USP30: variants seen among roughly 807,000 people sequenced by gnomAD.
USP30 encodes ubiquitin specific peptidase 30.
Under a neutral mutation model 68.2 loss-of-function variants are expected in USP30, and 41 were observed. That is an observed-to-expected ratio of 0.60 (90% CI 0.47 to 0.78). The LOEUF is 0.78. Among genes scored for constraint, USP30 ranks in the 30% least tolerant of loss-of-function variants. The pLI is 0.00. For synonymous variants in USP30, 229 were observed against 253.7 expected (o/e 0.90, Z 0.93); for missense variants, 522 against 649.4 (o/e 0.80, Z 2.13).
intron 2 of USP30, among the ~76,000 whole-genome samples, chr12:109,057,347 CT>C (rs1417824535): frequency 6.6e-6 from 1 of 152,038 alleles, no homozygotes; most frequent in African/African-American, 2.4e-5. Flanking sequence ...ATTCTCCCTC[CT>C]TTTTTTGTGT....
At chr12:109,079,784 G>A (rs1286765463) in intron 7 of USP30, among the ~76,000 whole-genome samples, 2 of 151,982 alleles carry the variant, frequency 1.3e-5, no homozygotes, top group African/African-American at 4.8e-5. Flanking sequence ...CCATTGTTCT[G>A]AGATTCTCAA....
At chr12:109,054,930 C>T (rs986800792) in intron 1 of USP30, 7 of 152,168 alleles carry the variant, frequency 4.6e-5, no homozygotes, top group Non-Finnish European at 1.0e-4. Flanking sequence ...AATATTACCA[C>T]CAGTGACTCT....
chr12:109,075,841 C>CTTTTT (rs34221615), intron 7 of USP30, among the ~76,000 whole-genome samples: 19 of 119,612 alleles, frequency 1.6e-4, no homozygotes, highest in South Asian at 5.5e-4. Context: ...GTTACTTTTT[C>CTTTTT]TTTTTTTTTT....
intron 8 of USP30, 68 bp downstream of exon 8, chr12:109,081,461 G>C (rs2041792327): frequency 6.5e-7 from 1 of 1,532,828 alleles, no homozygotes; most frequent in Non-Finnish European, 9.0e-7. Flanking sequence ...GGGCTTTGAG[G>C]CATTTTATGT....
At chr12:109,066,334 TATA>T (rs2041249727) in intron 3 of USP30, among the ~76,000 whole-genome samples, 1 of 151,488 alleles carries the variant, frequency 6.6e-6, no homozygotes, top group African/African-American at 2.4e-5. Flanking sequence ...TAGAAGTAAT[TATA>T]ATATAAATAA....
rs542029105 is a variant in USP30 at position 109,087,688 on chromosome 12, A to T, written c.*1757A>T. ...TTACTCTGAAATCTACCATCAAAGA[A>T]AGATAGAGAAAAGGGGCTGAGCCTT... On this transcript the variant is annotated 3_prime_UTR_variant, in exon 13 of 13. Transcript: ENST00000257548. The T allele has an allele frequency of 7.9e-5, 12 of 152,402 alleles. No homozygotes were observed. The East Asian group carries it at 2.3e-3, about 29-fold the overall frequency. 9.4% of individuals were successfully genotyped at this position (152,402 alleles called of 1,614,324 possible). A position where few individuals can be genotyped will look rare whatever the true frequency, so the allele number is the denominator to read the frequency against.
chr12:109,075,603 C>T (rs1015348273), intron 7 of USP30, among the ~76,000 whole-genome samples: 3 of 152,192 alleles, frequency 2.0e-5, no homozygotes, highest in South Asian at 2.1e-4. Flanking sequence ...CCGCCTGTCT[C>T]GGCCTCCCAA....
chr12:109,051,105 G>A (rs1033580522), upstream of USP30, among the ~76,000 whole-genome samples: 1 of 152,110 alleles, frequency 6.6e-6, no homozygotes, highest in Admixed American at 6.6e-5. Flanking sequence ...TGCCCAGGTG[G>A]CCTTGGACTC....
At chr12:109,034,635 A>C (rs1035585394) in intron 3 of USP30, among the ~76,000 whole-genome samples, 1 of 152,212 alleles carries the variant, frequency 6.6e-6, no homozygotes, top group Non-Finnish European at 1.5e-5. Flanking sequence ...TGTCTGTTAG[A>C]AACAGTTTAT....
intron 3 of USP30, among the ~76,000 whole-genome samples, chr12:109,029,574 T>A (rs1051473781): frequency 4.6e-5 from 7 of 152,122 alleles, no homozygotes; most frequent in Non-Finnish European, 1.0e-4. Flanking sequence ...ATTGTATGAG[T>A]GTGAAGTTTG....
At chr12:109,082,580 G>T (rs1222493721) in intron 9 of USP30, 83 bp from the exon 10 acceptor site, 5 of 1,374,416 alleles carry the variant, frequency 3.6e-6, no homozygotes, top group Non-Finnish European at 5.0e-6. Context: ...ATTGTGTGCC[G>T]CTATAACACC....
intron 6 of USP30, among the ~76,000 whole-genome samples, chr12:109,073,128 T>A: frequency 6.6e-6 from 1 of 152,262 alleles, no homozygotes. Flanking sequence ...TGTGGTATCC[T>A]TCTTTTGACA....
chr12:109,073,967 G>A (rs1378641652), intron 7 of USP30, among the ~76,000 whole-genome samples: 2 of 152,058 alleles, frequency 1.3e-5, no homozygotes, highest in African/African-American at 4.8e-5. Flanking sequence ...TCCGGGATCA[G>A]TCAACTTTAT....
intron 12 of USP30, 136 bp from the exon 13 acceptor site, chr12:109,085,531 A>T: frequency 2.9e-6 from 3 of 1,036,262 alleles, no homozygotes; most frequent in South Asian, 1.6e-5. Flanking sequence ...TCTGTATTTT[A>T]ATAGTTGTGT....
Position 109,072,342 on chromosome 12 carries a change from G to T in USP30, c.617G>T (p.Arg206Leu). The change falls in exon 6 of 13, where the codon CGC (arginine) becomes CTC (leucine). Residue 206 changes from arginine to leucine, a missense_variant. Physicochemically the swap from Arg to Leu is moderately radical, Grantham distance 102. Transcript: ENST00000257548. The stretch of plus-strand genomic sequence containing the variant: ...ATAACTCCCAAACAAATTACCTGCC[G>T]CACAAGAGGTAGCTGTTTTCCATTG... ...SEITPKQITC[R>L]TRGSPHPTSN... is the part of the protein sequence containing the mutation. 6.2e-7 allele frequency: 1 copy of T among 1,612,912 alleles called. No homozygotes were observed. The highest frequency in any genetic ancestry group is 8.5e-7 in the Non-Finnish European group (1 of 1,179,324).
chr12:109,039,832 A>G lies in USP30; in HGVS notation c.-135-7758A>G, dbSNP rs187008294. On this transcript the variant is annotated intron_variant, in intron 3 of 15. Transcript: ENST00000392784. ...CACCATGTTGGCCAGGATGATCTCG[A>G]TCTCTTGACCTCATGATCTGCCTGC... is the stretch of plus-strand genomic sequence containing the variant. Among the ~76,000 whole-genome samples the G allele has an allele frequency of 1.0e-3, 153 of 152,172 alleles. 3 individuals carry two copies. The South Asian group carries it at 0.018, about 18-fold the overall frequency.
chr12:109,085,049 C>T lies in USP30; in HGVS notation c.1265C>T (p.Pro422Leu), dbSNP rs201279666. 9.4e-5 allele frequency: 151 copies of T among 1,598,122 alleles called. No individual in the cohort carries two copies. The highest frequency in any genetic ancestry group is 1.2e-4 in the Non-Finnish European group (145 of 1,170,792). ...ACGCTGTCAGCGCCGATGCCCTTCC[C>T]TCTCCCAGTTGTTCCCGACTACAGG... ...LPTLSAPMPF[P>L]LPVVPDYSSS... The change falls in exon 12 of 13, where the codon CCT becomes CTT. Residue 422 changes from proline (P) to leucine (L), a missense_variant. Transcript: ENST00000257548.
intron 4 of USP30, among the ~76,000 whole-genome samples, chr12:109,068,564 C>G (rs947253969): frequency 2.6e-5 from 4 of 152,148 alleles, no homozygotes; most frequent in Non-Finnish European, 5.9e-5. Flanking sequence ...CAACGTTTTT[C>G]TATTTAGAAA....
upstream of USP30, among the ~76,000 whole-genome samples, chr12:109,051,000 G>T (rs912474775): frequency 6.6e-6 from 1 of 151,218 alleles, no homozygotes; most frequent in Non-Finnish European, 1.5e-5. Flanking sequence ...AAAAAAAAAA[G>T]AATGTAAATT....
Sources: gnomAD v4.1 joint callset for allele counts (sites outside exome capture counted in the v4.1 genomes callset) on GRCh38, gnomAD v4.1.1 for gene constraint, MANE v1.5 for transcripts, NCBI Gene and HGNC (gene_info 2026-07-23, HGNC 2026-07-21) for gene names.